GLI3: variants seen among roughly 807,000 people sequenced by gnomAD.
The protein encoded by GLI3 is GLI family zinc finger 3, also known as transcription activator GLI3.
A neutral mutation model predicts 100.8 loss-of-function variants in GLI3; 20 were observed. The ratio of observed to expected loss-of-function variants is 0.20; its 90% CI spans 0.14 to 0.29. The LOEUF (loss-of-function observed/expected upper bound fraction) is 0.29. Among genes scored for constraint, GLI3 ranks in the 10% least tolerant of loss-of-function variants. The pLI is 1.00. For synonymous variants in GLI3, 938 were observed against 860.5 expected (o/e 1.09, Z -1.58); for missense variants, 2,040 against 2,128.5 (o/e 0.96, Z 0.82).
At position 41,965,791 on chromosome 7, in the gene GLI3, G is replaced by C. The variant is rs766812044; in HGVS notation, c.3282C>G (p.Asp1094Glu). The C allele has an allele frequency of 2.5e-6, 4 of 1,613,454 alleles. No individual in the cohort carries two copies. The highest frequency in any genetic ancestry group is 1.6e-4 in the Middle Eastern group (1 of 6,062). ...ANLNDEDFLP[D>E]DVVQYLNSQN... is the part of the protein sequence containing the mutation. ...GGGAATTTAAATACTGCACCACGTC[G>C]TCCGGCAGGAAATCCTCATCGTTCA... Residue 1094 changes from aspartate (D) to glutamate (E), a missense_variant, in exon 15 of 15, where the codon GAC becomes GAG. Transcript: ENST00000395925.
At chr7:42,156,050 C>A (rs1786995548) in intron 2 of GLI3, among the ~76,000 whole-genome samples, 1 of 152,120 alleles carries the variant, frequency 6.6e-6, no homozygotes, top group Non-Finnish European at 1.5e-5. Flanking sequence ...TGAACACTGC[C>A]CTGAACAGGC....
chr7:42,262,698 A>G (rs757168184), intron 1 of GLI3, among the ~76,000 whole-genome samples: 4 of 152,228 alleles, frequency 2.6e-5, no homozygotes, highest in African/African-American at 7.2e-5. Flanking sequence ...TAATTTAAAG[A>G]AACTCACACT....
At position 42,207,727 on chromosome 7, in the gene GLI3, T is replaced by C. The variant is rs1473563075; in HGVS notation, c.124+15403A>G. 2.6e-5 allele frequency among the ~76,000 whole-genome samples: 4 copies of C among 152,208 alleles called. No homozygotes were observed. In the East Asian group the frequency reaches 7.7e-4, roughly 29 times the overall value. On this transcript the variant is annotated intron_variant, in intron 2 of 14. Transcript: ENST00000395925. Reference sequence around the variant, plus strand: ...ACAGAAAATGATCCTAGCATATGGTTACCTGAACAGAGAGAAAGACTGAAA... The same window carrying C: ...ACAGAAAATGATCCTAGCATATGGTCACCTGAACAGAGAGAAAGACTGAAA...
At chr7:42,100,935 T>C (rs770568348) in intron 3 of GLI3, among the ~76,000 whole-genome samples, 2 of 152,194 alleles carry the variant, frequency 1.3e-5, no homozygotes, top group Non-Finnish European at 2.9e-5. Context: ...TTTTGGACTT[T>C]CAGCTTCCAG....
At chr7:42,217,157 A>G (rs1429384782) in intron 2 of GLI3, among the ~76,000 whole-genome samples, 2 of 152,202 alleles carry the variant, frequency 1.3e-5, no homozygotes, top group Non-Finnish European at 2.9e-5. Flanking sequence ...CACACAGTAC[A>G]GTAGGTTGGC....
chr7:42,257,596 G>A (rs1392767290), intron 1 of GLI3, among the ~76,000 whole-genome samples: 1 of 151,790 alleles, frequency 6.6e-6, no homozygotes, highest in Admixed American at 6.6e-5. Flanking sequence ...CTCCCACCTC[G>A]GGCTCCCAAA....
chr7:42,027,052 AG>A (rs1283121134), intron 7 of GLI3, among the ~76,000 whole-genome samples: 2 of 152,336 alleles, frequency 1.3e-5, no homozygotes, highest in East Asian at 3.9e-4. Flanking sequence ...CCAGTGGGAG[AG>A]CACTGCTCCC....
At chr7:41,978,831 C>T (rs961028463) in intron 10 of GLI3, 83 bp from the exon 11 acceptor site, 3 of 1,230,670 alleles carry the variant, frequency 2.4e-6, no homozygotes, top group Non-Finnish European at 3.6e-6. Context: ...GCAGAAAATA[C>T]CCCAATCTTA....
At position 42,001,252 on chromosome 7, in the gene GLI3, A is replaced by AG. The variant is rs1336303436; in HGVS notation, c.1497+22215_1497+22216insC. On this transcript the variant is annotated intron_variant, in intron 10 of 14. Transcript: ENST00000395925. ...ACTATGTCTCAAAAAAAAAAAAAAA[A>AG]AAGTTAAAAAAAAAAAGGGGAAACA... Among the ~76,000 whole-genome samples the AG allele has an allele frequency of 2.0e-5, 3 of 150,390 alleles. No homozygotes were observed. The East Asian group carries it at 5.8e-4, about 29-fold the overall frequency.
At chr7:41,973,490 G>T (rs1787421636) in intron 12 of GLI3, among the ~76,000 whole-genome samples, 1 of 152,170 alleles carries the variant, frequency 6.6e-6, no homozygotes, top group African/African-American at 2.4e-5. Context: ...TATATAAGCG[G>T]ATTATTTTCT....
intron 11 of GLI3, chr7:41,977,933 G>A (rs1171009047): frequency 8.6e-6 from 5 of 580,134 alleles, no homozygotes; most frequent in Non-Finnish European, 1.5e-5. Flanking sequence ...GCCAGTAAAA[G>A]TCCTGAAGTT....
intron 4 of GLI3, among the ~76,000 whole-genome samples, chr7:42,061,186 G>A (rs914679339): frequency 1.3e-5 from 2 of 152,104 alleles, no homozygotes; most frequent in African/African-American, 4.8e-5. Flanking sequence ...CTTGGGTCTG[G>A]TGGCAGGTGT....
At chr7:42,049,316 C>T (rs1441869019) in intron 4 of GLI3, among the ~76,000 whole-genome samples, 1 of 152,138 alleles carries the variant, frequency 6.6e-6, no homozygotes, top group African/African-American at 2.4e-5. Context: ...GTTTAACTTC[C>T]CAGGGCCTCG....
intron 3 of GLI3, among the ~76,000 whole-genome samples, chr7:42,106,930 C>T (rs796240140): frequency 2.2e-4 from 34 of 152,016 alleles, no homozygotes; most frequent in African/African-American, 5.8e-4. Flanking sequence ...GTGGGGAGGG[C>T]GGATATTTTT....
At chr7:42,035,452 A>G (rs1789411103) in intron 7 of GLI3, among the ~76,000 whole-genome samples, 1 of 152,182 alleles carries the variant, frequency 6.6e-6, no homozygotes, top group Non-Finnish European at 1.5e-5. Flanking sequence ...ACAGAAAAAC[A>G]TTGCACTGTT....
At chr7:42,152,184 C>T (rs1429134370) in intron 2 of GLI3, 1 of 153,396 alleles carries the variant, frequency 6.5e-6, no homozygotes, top group Non-Finnish European at 1.4e-5. Context: ...ACTAAGGACA[C>T]CTCCTGTCAC....
chr7:42,022,334 A>G (rs28436678), intron 10 of GLI3, among the ~76,000 whole-genome samples: 9,461 of 152,302 alleles, frequency 0.062, 420 homozygotes, highest in Non-Finnish European at 0.096. Context: ...ACACATTAAA[A>G]GTTCACACTG....
intron 13 of GLI3, among the ~76,000 whole-genome samples, chr7:41,971,182 C>T (rs990207097): frequency 1.3e-5 from 2 of 152,212 alleles, no homozygotes; most frequent in Non-Finnish European, 2.9e-5. Flanking sequence ...CCCACCCACA[C>T]GTACTGTGAC....
chr7:42,097,959 T>C (rs555835930), intron 3 of GLI3, among the ~76,000 whole-genome samples: 4 of 152,200 alleles, frequency 2.6e-5, no homozygotes, highest in Non-Finnish European at 5.9e-5. Context: ...TCAAATCCCA[T>C]GACAATCCCA....
Sources: allele counts gnomAD v4.1 joint callset (sites outside exome capture counted in the v4.1 genomes callset), GRCh38; gene constraint gnomAD v4.1.1; transcripts MANE v1.5; gene names NCBI Gene and HGNC (gene_info 2026-07-23, HGNC 2026-07-21).